The following PCCA variants were observed in gnomAD, a reference collection of about 807,000 sequenced individuals.
PCCA encodes the protein propionyl-CoA carboxylase alpha chain, mitochondrial.
A neutral mutation model predicts 101.3 loss-of-function variants in PCCA; 74 were observed. That is an observed-to-expected ratio of 0.73 (90% CI 0.61 to 0.89). The LOEUF (loss-of-function observed/expected upper bound fraction) is 0.89. Ranked by LOEUF, PCCA falls within the 40% of genes least tolerant of loss-of-function variation. PCCA has a pLI of 0.00. For missense variants in PCCA, 891 were observed against 907.0 expected (o/e 0.98, Z 0.23); for synonymous variants, 294 against 313.6 (o/e 0.94, Z 0.66).
At chr13:100,451,532 G>T (rs2081227355) in intron 21 of PCCA, among the ~76,000 whole-genome samples, 1 of 152,132 alleles carries the variant, frequency 6.6e-6, no homozygotes, top group South Asian at 2.1e-4. Flanking sequence ...GTCCACTCAT[G>T]CTGTCTCTGC....
intron 21 of PCCA, among the ~76,000 whole-genome samples, chr13:100,500,581 A>C (rs889800913): frequency 3.9e-5 from 6 of 152,230 alleles, no homozygotes; most frequent in African/African-American, 1.4e-4. Context: ...ACATTTAAAG[A>C]GAACCTCTCT....
At chr13:100,307,538 A>T (rs955368302) in intron 15 of PCCA, among the ~76,000 whole-genome samples, 1 of 152,216 alleles carries the variant, frequency 6.6e-6, no homozygotes, top group Non-Finnish European at 1.5e-5. Flanking sequence ...GTGCCAGCCT[A>T]ACTCATTGCC....
At chr13:100,506,793 G>A (rs2086114771) in intron 21 of PCCA, among the ~76,000 whole-genome samples, 1 of 152,056 alleles carries the variant, frequency 6.6e-6, no homozygotes, top group Non-Finnish European at 1.5e-5. Context: ...AAAGGAAGAG[G>A]GTTGGGCACC....
chr13:100,146,499 C>T (rs1423553274), intron 4 of PCCA, among the ~76,000 whole-genome samples: 1 of 150,758 alleles, frequency 6.6e-6, no homozygotes, highest in African/African-American at 2.4e-5. Flanking sequence ...CACTTGAACC[C>T]AAGAGGCGGA....
At chr13:100,471,602 A>G (rs1413459728) in intron 21 of PCCA, among the ~76,000 whole-genome samples, 1 of 152,164 alleles carries the variant, frequency 6.6e-6, no homozygotes, top group African/African-American at 2.4e-5. Context: ...AAACACAGCA[A>G]ACATTTCACA....
In PCCA at chr13:100,450,313, G is replaced by C. The variant is rs148816666; in HGVS notation, c.1899+1008G>C. 1.5e-3 allele frequency among the ~76,000 whole-genome samples: 227 copies of C among 151,982 alleles called. 1 individual carries two copies. The highest frequency in any genetic ancestry group is 0.012 in the East Asian group (61 of 5,164). On this transcript the variant is annotated intron_variant, in intron 21 of 23. Coordinates refer to ENST00000376285, the MANE Select transcript of PCCA (RefSeq NM_000282.4). ...GGAGGCTGAGGCAGGAGAATCGCCT[G>C]AACTGAGGAGGTGGAGGTTGCAGTG...
At chr13:100,181,058 G>A (rs2056744487) in intron 6 of PCCA, among the ~76,000 whole-genome samples, 1 of 152,198 alleles carries the variant, frequency 6.6e-6, no homozygotes, top group Non-Finnish European at 1.5e-5. Flanking sequence ...ACCACCTTGT[G>A]AATGAGAGAG....
At position 100,486,364 on chromosome 13, in the gene PCCA, C is replaced by T. The variant is rs538825240; in HGVS notation, c.1900-29063C>T. 4.6e-5 allele frequency among the ~76,000 whole-genome samples: 7 copies of T among 152,234 alleles called. No homozygotes were observed. The South Asian group carries it at 6.2e-4, about 14-fold the overall frequency. On this transcript the variant is annotated intron_variant, in intron 21 of 23. Transcript: ENST00000376285. ...CATGGGAACTAACTGGATAAGTTTCCGAAGATTTATGTCAGTAACATTCAC... is the reference window on the plus strand; with the variant it reads ...CATGGGAACTAACTGGATAAGTTTCTGAAGATTTATGTCAGTAACATTCAC...
intron 6 of PCCA, among the ~76,000 whole-genome samples, chr13:100,203,691 A>G (rs2058679063): frequency 6.6e-6 from 1 of 152,204 alleles, no homozygotes; most frequent in Admixed American, 6.5e-5. Flanking sequence ...AAGACAAAAA[A>G]CAAAAAAAAT....
At chr13:100,276,213 C>CAAAAAAAA (rs59671834) in intron 12 of PCCA, among the ~76,000 whole-genome samples, 32 of 102,122 alleles carry the variant, frequency 3.1e-4, no homozygotes, top group Middle Eastern at 6.3e-3. Context: ...TTGTCTGTAC[C>CAAAAAAAA]AAAAAAAAAA....
chr13:100,309,479 G>A (rs1027763452), intron 15 of PCCA, among the ~76,000 whole-genome samples: 1 of 152,112 alleles, frequency 6.6e-6, no homozygotes, highest in Non-Finnish European at 1.5e-5. Flanking sequence ...GGGAAAAAAT[G>A]TCTTATCTAA....
chr13:100,178,389 TA>T (rs1338104391), intron 6 of PCCA, among the ~76,000 whole-genome samples: 10 of 152,252 alleles, frequency 6.6e-5, no homozygotes, highest in Non-Finnish European at 1.5e-4. Context: ...AAAACACTTT[TA>T]TAGTCATTTT....
At chr13:100,426,707 G>C (rs2079167708) in intron 20 of PCCA, among the ~76,000 whole-genome samples, 3 of 151,796 alleles carry the variant, frequency 2.0e-5, no homozygotes, top group Admixed American at 2.0e-4. Flanking sequence ...CCTATATTTT[G>C]ACTTTGGTTT....
intron 8 of PCCA, among the ~76,000 whole-genome samples, chr13:100,257,071 A>C (rs1440209728): frequency 2.6e-5 from 4 of 152,116 alleles, no homozygotes; most frequent in African/African-American, 9.7e-5. Flanking sequence ...AGCCCATAGC[A>C]TCGTAGCCAG....
chr13:100,473,299 C>T (rs778891543), intron 21 of PCCA: 2 of 152,026 alleles, frequency 1.3e-5, no homozygotes, highest in African/African-American at 2.4e-5. Context: ...CCCCTGCAGT[C>T]GATTAGGCTT....
At chr13:100,310,019 G>T (rs1480064213) in intron 16 of PCCA, 111 bp downstream of exon 16, 6 of 791,172 alleles carry the variant, frequency 7.6e-6, no homozygotes, top group Non-Finnish European at 1.3e-5. Context: ...CTCACTATGT[G>T]CTTAAAGAGA....
intron 17 of PCCA, among the ~76,000 whole-genome samples, chr13:100,334,114 A>G (rs2070057904): frequency 6.6e-6 from 1 of 152,160 alleles, no homozygotes; most frequent in South Asian, 2.1e-4. Context: ...AACAACAACA[A>G]AACACCGGAA....
At chr13:100,180,417 A>T (rs2056684982) in intron 6 of PCCA, among the ~76,000 whole-genome samples, 1 of 152,088 alleles carries the variant, frequency 6.6e-6, no homozygotes, top group Admixed American at 6.5e-5. Flanking sequence ...ATTCTTGCCT[A>T]TTGGGGTTAA....
chr13:100,234,605 C>T (rs1325623474), intron 7 of PCCA, among the ~76,000 whole-genome samples: 1 of 151,780 alleles, frequency 6.6e-6, no homozygotes. Context: ...CCCTGCCAAC[C>T]TCCTTATTCA....
Sources: allele counts gnomAD v4.1 joint callset (sites outside exome capture counted in the v4.1 genomes callset), GRCh38; gene constraint gnomAD v4.1.1; transcripts MANE v1.5; gene names NCBI Gene and HGNC (gene_info 2026-07-23, HGNC 2026-07-21).